MALT1: variants seen among roughly 807,000 people sequenced by gnomAD.
MALT1 encodes the protein MALT1 paracaspase.
Under a neutral mutation model 85.5 loss-of-function variants are expected in MALT1, and 36 were observed. That is an observed-to-expected ratio of 0.42 (90% confidence interval 0.32 to 0.56). MALT1 has a LOEUF of 0.56. MALT1 is among the 20% of genes least tolerant of loss of function. The probability of loss-of-function intolerance (pLI) is 0.10; values close to 1 mark genes in which losing one functional copy is unlikely to be tolerated. For missense variants in MALT1, 716 were observed against 981.6 expected, an observed-to-expected ratio of 0.73 and a Z score of 3.62; for synonymous variants, 359 against 361.3, an observed-to-expected ratio of 0.99 and a Z score of 0.07.
chr18:58,706,687 T>C (rs1364157970), intron 4 of MALT1, among the ~76,000 whole-genome samples: 1 of 152,248 alleles, frequency 6.6e-6, no homozygotes, highest in Non-Finnish European at 1.5e-5. Flanking sequence ...GCATTTGAAT[T>C]CTGTTAATCT....
Position 58,671,763 on chromosome 18 carries a change from G to A in MALT1, c.120G>A (p.Arg40=). 1.6e-6 allele frequency: 2 copies of A among 1,264,796 alleles called. No individual in the cohort carries two copies. Among genetic ancestry groups the A allele is most frequent in the Non-Finnish European group, 9.9e-7 (1 of 1,005,844 alleles). The allele number at this position is 1,264,796 out of a possible 1,614,324, so 78.3% of individuals were successfully genotyped here. ...LNRLREPLLR[R]LSELLDQAPE... is the part of the protein sequence containing the mutation. The stretch of plus-strand genomic sequence containing the variant: ...GCCTGCGGGAGCCGCTGCTGCGGAG[G>A]CTCAGCGAGCTCCTGGATCAGGCGC... Residue 40 remains arginine, a synonymous_variant, in exon 1 of 17, where the codon AGG becomes AGA. Coordinates refer to ENST00000649217, the MANE Select transcript of MALT1 (RefSeq NM_006785.4).
intron 2 of MALT1, among the ~76,000 whole-genome samples, chr18:58,688,760 C>T (rs1286163867): frequency 2.0e-5 from 3 of 151,968 alleles, no homozygotes; most frequent in Admixed American, 6.6e-5. Flanking sequence ...ATTCATGAGC[C>T]GTGTCCTGGT....
intron 4 of MALT1, 29 bp from the exon 5 acceptor site, chr18:58,709,349 A>G: frequency 6.9e-7 from 1 of 1,448,422 alleles, no homozygotes; most frequent in South Asian, 1.4e-5. Context: ...TTTTTAACCT[A>G]GAGATTTTAT....
intron 3 of MALT1, among the ~76,000 whole-genome samples, chr18:58,699,350 T>C (rs1286740425): frequency 6.6e-6 from 1 of 152,136 alleles, no homozygotes. Flanking sequence ...TAGGACGATA[T>C]AGTAGGATTG....
intron 7 of MALT1, 46 bp downstream of exon 7, chr18:58,710,999 T>A (rs1421700745): frequency 1.4e-6 from 2 of 1,434,074 alleles, no homozygotes; most frequent in Non-Finnish European, 1.9e-6. Context: ...GCATGCTAGT[T>A]ACTCTTGGGA....
chr18:58,714,690 ATAAGT>A lies in MALT1; in HGVS notation c.985+586_985+590del, dbSNP rs765721182. Among the ~76,000 whole-genome samples the A allele has an allele frequency of 5.3e-5, 8 of 152,340 alleles. No homozygotes were observed. The East Asian group carries it at 5.8e-4, about 11-fold the overall frequency. On this transcript the variant is annotated intron_variant, in intron 8 of 16. Coordinates refer to ENST00000649217, the MANE Select transcript of MALT1 (RefSeq NM_006785.4). ...TAATTTTAATTAGAACAGATTTCTA[ATAAGT>A]TAAGCCTTCACCTGAGATAAAAGGC... is the stretch of plus-strand genomic sequence containing the variant.
At chr18:58,738,268 T>A (rs1045106111) in intron 13 of MALT1, among the ~76,000 whole-genome samples, 1 of 152,192 alleles carries the variant, frequency 6.6e-6, no homozygotes, top group Non-Finnish European at 1.5e-5. Context: ...TGGGACTAGA[T>A]TTTTTTGGTT....
At chr18:58,673,950 AC>A (rs68113713) in intron 1 of MALT1, 65,223 of 150,646 alleles carry the variant, frequency 0.43, 14,046 homozygotes, top group African/African-American at 0.47. Flanking sequence ...TGCAAAAAAA[AC>A]AAATACAAAA....
At chr18:58,673,409 ATGCTGC>A (rs767297686) in intron 1 of MALT1, among the ~76,000 whole-genome samples, 3 of 152,122 alleles carry the variant, frequency 2.0e-5, no homozygotes, top group Non-Finnish European at 4.4e-5. Context: ...AAATGTTTAC[ATGCTGC>A]TGCTGCTGCT....
intron 9 of MALT1, among the ~76,000 whole-genome samples, chr18:58,719,327 C>A (rs542279682): frequency 7.4e-4 from 87 of 116,836 alleles, no homozygotes; most frequent in African/African-American, 4.3e-3. Context: ...CTCTCTCTCT[C>A]TCTTTCTCTT....
intron 10 of MALT1, among the ~76,000 whole-genome samples, chr18:58,731,431 A>G (rs2055147734): frequency 6.6e-6 from 1 of 152,172 alleles, no homozygotes; most frequent in South Asian, 2.1e-4. Context: ...TTAAAACCCT[A>G]TCTGTGCACT....
chr18:58,687,669 A>G (rs2054425040), intron 2 of MALT1, among the ~76,000 whole-genome samples: 2 of 152,214 alleles, frequency 1.3e-5, no homozygotes, highest in Admixed American at 6.5e-5. Flanking sequence ...TATGGAATAG[A>G]TCTGTTTTTG....
At chr18:58,744,595 T>C (rs2055342967) in intron 15 of MALT1, 100 bp downstream of exon 15, 1 of 487,984 alleles carries the variant, frequency 2.0e-6, no homozygotes, top group South Asian at 3.7e-5. Context: ...AAAGGAAATA[T>C]ATATATTTAT....
At chr18:58,677,446 A>G (rs1164115302) in intron 1 of MALT1, 1 of 152,148 alleles carries the variant, frequency 6.6e-6, no homozygotes, top group East Asian at 1.9e-4. Flanking sequence ...CAGCATCCCT[A>G]TTTTTACAAA....
At chr18:58,674,592 G>A (rs2054213247) in intron 1 of MALT1, among the ~76,000 whole-genome samples, 2 of 152,164 alleles carry the variant, frequency 1.3e-5, no homozygotes, top group African/African-American at 2.4e-5. Flanking sequence ...GGAGCTTGGG[G>A]GCTGGACAGT....
intron 9 of MALT1, among the ~76,000 whole-genome samples, chr18:58,716,662 AAAAG>A (rs1336026720): frequency 2.0e-5 from 3 of 152,204 alleles, no homozygotes; most frequent in Non-Finnish European, 4.4e-5. Flanking sequence ...AAATAGTGGA[AAAAG>A]AAAGATTCAG....
Position 58,750,415 on chromosome 18 carries a change from G to A in MALT1, c.*2573G>A, listed in dbSNP as rs2055431152. The A allele has an allele frequency of 6.6e-6, 1 of 152,236 alleles. No homozygotes were observed. Among genetic ancestry groups the A allele is most frequent in the South Asian group, 2.1e-4 (1 of 4,830 alleles). The allele number at this position is 152,236 out of a possible 1,614,324, so 9.4% of individuals were successfully genotyped here. ...AATTGACAAACTGGTAAAATTGGTA[G>A]GGAAACGCAGGGGACCCAGAATAGC... On this transcript the variant is annotated 3_prime_UTR_variant, in exon 17 of 17. Transcript: ENST00000649217.
chr18:58,721,647 C>A (rs2054985018), intron 9 of MALT1, among the ~76,000 whole-genome samples: 1 of 151,988 alleles, frequency 6.6e-6, no homozygotes. Context: ...TAAATTGATG[C>A]TAGTTTTAAC....
Position 58,750,548 on chromosome 18 carries a change from G to A in MALT1, c.*2706G>A, listed in dbSNP as rs1490372816. The A allele has an allele frequency of 1.3e-5, 2 of 152,196 alleles. No homozygotes were observed. Among genetic ancestry groups the A allele is most frequent in the Non-Finnish European group, 2.9e-5 (2 of 68,040 alleles). The allele number at this position is 152,196 out of a possible 1,614,324, so 9.4% of individuals were successfully genotyped here. ...ATATGGATAGACATATCGATCAGAG[G>A]AATGGAACTGAACATCCAGAAATAA... On this transcript the variant is annotated 3_prime_UTR_variant, in exon 17 of 17. Transcript: ENST00000649217.
Sources: allele counts gnomAD v4.1 joint callset (sites outside exome capture counted in the v4.1 genomes callset), GRCh38; gene constraint gnomAD v4.1.1; transcripts MANE v1.5; gene names NCBI Gene and HGNC (gene_info 2026-07-23, HGNC 2026-07-21).